The following CHD7 variants were observed in gnomAD, a reference collection of about 807,000 sequenced individuals.
CHD7 encodes chromodomain helicase DNA binding protein 7, also known as ATP-dependent chromatin remodeler CHD7.
CHD7 carries 24 observed loss-of-function variants against 307.3 expected under a neutral mutation model. The observed-to-expected ratio is 0.08, with a 90% CI of 0.06 to 0.11. The LOEUF (loss-of-function observed/expected upper bound fraction) is 0.11, where lower values mean the gene tolerates loss of function less well. Ranked by LOEUF, CHD7 falls within the 10% of genes least tolerant of loss-of-function variation. The probability of loss-of-function intolerance (pLI) is 1.00; values close to 1 mark genes in which losing one functional copy is unlikely to be tolerated. For missense variants in CHD7, 3,106 were observed against 3,727.1 expected, an observed-to-expected ratio of 0.83 and a Z score of 4.34; for synonymous variants, 1,363 against 1,349.9, an observed-to-expected ratio of 1.01 and a Z score of -0.21.
chr8:60,700,452 A>G (rs983815409), intron 1 of CHD7, among the ~76,000 whole-genome samples: 2 of 152,218 alleles, frequency 1.3e-5, no homozygotes, highest in Non-Finnish European at 2.9e-5. Context: ...TCCAAACTAG[A>G]AGATAAAGAC....
intron 2 of CHD7, among the ~76,000 whole-genome samples, chr8:60,748,800 T>A (rs1809461003): frequency 6.6e-6 from 1 of 152,134 alleles, no homozygotes; most frequent in Non-Finnish European, 1.5e-5. Flanking sequence ...TAAGTTTATT[T>A]TGGATACATT....
intron 4 of CHD7, 22 bp downstream of exon 4, chr8:60,795,149 C>T: frequency 6.2e-7 from 1 of 1,606,646 alleles, no homozygotes. Flanking sequence ...ATTGTGATTC[C>T]CGAGCCTTGG....
Position 60,824,011 on chromosome 8 carries a change from G to T in CHD7, c.3373G>T (p.Asp1125Tyr). The T allele has an allele frequency of 6.2e-7, 1 of 1,612,444 alleles. No homozygotes were observed. The highest frequency in any genetic ancestry group is 8.5e-7 in the Non-Finnish European group (1 of 1,178,706). Residue 1125 changes from aspartate (D) to tyrosine (Y), a missense_variant, in exon 13 of 38, where the codon GAC (aspartate) becomes TAC (tyrosine). Around this residue, in one of 10 missense-constraint regions of CHD7, gnomAD observed 232 missense variants for 422.5 expected, o/e 0.55. Coordinates refer to ENST00000423902, the MANE Select transcript of CHD7 (RefSeq NM_017780.4). Reference sequence around the variant, plus strand: ...GCTGTTGGAGGGACTCAAGATGATGGACTTGGTCAGTGACCATATTGGTGA... The same window carrying T: ...GCTGTTGGAGGGACTCAAGATGATGTACTTGGTCAGTGACCATATTGGTGA... ...CKLLEGLKMM[D>Y]LEHKVLLTGT...
rs553564194 is a variant in CHD7, at chr8:60,693,407, G to T, written c.-175+14325G>T. Among the ~76,000 whole-genome samples, 3 of 152,344 alleles carry T rather than the reference G, an allele frequency of 2.0e-5. No individual in the cohort carries two copies. In the South Asian group the frequency reaches 6.2e-4, roughly 32 times the overall value. ...CCGCTCAGCCTTCCTTGGGGCACCT[G>T]CAGAGAGAGGGTCCCCCCTCCAGCT... On this transcript the variant is annotated intron_variant, in intron 1 of 37. Transcript: ENST00000423902.
intron 2 of CHD7, among the ~76,000 whole-genome samples, chr8:60,744,136 G>A (rs1453386427): frequency 6.6e-6 from 1 of 152,204 alleles, no homozygotes; most frequent in Non-Finnish European, 1.5e-5. Flanking sequence ...GGTGAACCCA[G>A]GTCAGCAGTT....
intron 1 of CHD7, among the ~76,000 whole-genome samples, chr8:60,716,252 T>C (rs1563538864): frequency 6.6e-6 from 1 of 152,204 alleles, no homozygotes; most frequent in East Asian, 1.9e-4. Flanking sequence ...CTGCAGTCTT[T>C]CCAATGTTAG....
chr8:60,862,779 A>G, intron 37 of CHD7, 127 bp downstream of exon 37: 1 of 637,034 alleles, frequency 1.6e-6, no homozygotes, highest in Non-Finnish European at 2.8e-6. Flanking sequence ...GACATAATAC[A>G]TCATTTTCAT....
chr8:60,691,050 T>G (rs1806168542), intron 1 of CHD7, among the ~76,000 whole-genome samples: 1 of 152,108 alleles, frequency 6.6e-6, no homozygotes. Context: ...CTCAGCCTCC[T>G]GAGTAGCTGG....
At chr8:60,795,415 T>C (rs955326031) in intron 4 of CHD7, among the ~76,000 whole-genome samples, 2 of 152,236 alleles carry the variant, frequency 1.3e-5, no homozygotes, top group Non-Finnish European at 2.9e-5. Flanking sequence ...CTGTTTATGT[T>C]ATTAACATTG....
chr8:60,831,196 G>A (rs1804504431), intron 15 of CHD7, among the ~76,000 whole-genome samples: 4 of 152,104 alleles, frequency 2.6e-5, no homozygotes, highest in Admixed American at 2.0e-4. Flanking sequence ...TGCTTATGTT[G>A]TATAAGATAC....
chr8:60,744,218 A>G (rs1586254322), intron 2 of CHD7, among the ~76,000 whole-genome samples: 1 of 152,192 alleles, frequency 6.6e-6, no homozygotes, highest in East Asian at 1.9e-4. Context: ...GTTGGAAAGT[A>G]TCAGTCAGGG....
At chr8:60,765,204 TACACACAC>T (rs71245521) in intron 2 of CHD7, among the ~76,000 whole-genome samples, 115,894 of 150,050 alleles carry the variant, frequency 0.77, 44,940 homozygotes, top group East Asian at 0.93. Flanking sequence ...GGGATATGCA[TACACACAC>T]ACACACACAC....
Position 60,742,920 on chromosome 8 carries a change from ACCTGGCCAACAACAT to A in CHD7, c.1494_1508del (p.His501_Gln505del), listed in dbSNP as rs1297447780. 2.5e-6 allele frequency: 4 copies of A among 1,612,884 alleles called. No individual in the cohort carries two copies. The highest frequency in any genetic ancestry group is 3.4e-6 in the Non-Finnish European group (4 of 1,179,434). Reference sequence around the variant, plus strand: ...CACAAGCAATCCAGGAACGACTGATACCTGGCCAACAACATCCTGGTCAACAGCCATCTTTTCAGC... The same window carrying A: ...CACAAGCAATCCAGGAACGACTGATACCTGGTCAACAGCCATCTTTTCAGC... On this transcript the variant is annotated inframe_deletion, in exon 2 of 38. Transcript: ENST00000423902.
chr8:60,741,207 C>G, intron 1 of CHD7, 52 bp from the exon 2 acceptor site: 1 of 548,254 alleles, frequency 1.8e-6, no homozygotes, highest in Non-Finnish European at 3.2e-6. Context: ...ATCATTGGAT[C>G]CTAATTCTTT....
Position 60,854,422 on chromosome 8 carries a change from G to T in CHD7, c.6835G>T (p.Ala2279Ser). ...DEESNASMSTARDETRDGFYM... is the reference protein window; with the variant it reads ...DEESNASMSTSRDETRDGFYM... ...AGAAAGCAATGCTTCCATGAGCACT[G>T]CTAGAGATGAAACCCGAGATGGATT... is the stretch of plus-strand genomic sequence containing the variant. The change falls in exon 32 of 38, where the codon GCT (alanine) becomes TCT (serine). Residue 2279 changes from alanine (A) to serine (S), a missense_variant. Ala to Ser is a moderately conservative substitution (Grantham distance 99). This residue lies in a region of CHD7 where 1,030 missense variants were observed against 1,165.4 expected (regional missense o/e 0.88). Coordinates refer to ENST00000423902, the MANE Select transcript of CHD7 (RefSeq NM_017780.4). 1 of 1,613,728 alleles carries T rather than the reference G, an allele frequency of 6.2e-7. No individual in the cohort carries two copies.
intron 2 of CHD7, among the ~76,000 whole-genome samples, chr8:60,777,452 T>C (rs1023727914): frequency 7.2e-5 from 11 of 152,224 alleles, no homozygotes; most frequent in Non-Finnish European, 1.3e-4. Flanking sequence ...AAAATGCTGA[T>C]GAATTGTGGA....
chr8:60,794,044 C>T (rs898642573), intron 3 of CHD7, among the ~76,000 whole-genome samples: 1 of 152,066 alleles, frequency 6.6e-6, no homozygotes, highest in Non-Finnish European at 1.5e-5. Context: ...ATCGCTTGGA[C>T]CCGGGAGGCG....
At chr8:60,760,655 C>T (rs1350312279) in intron 2 of CHD7, among the ~76,000 whole-genome samples, 2 of 150,734 alleles carry the variant, frequency 1.3e-5, no homozygotes, top group Admixed American at 6.6e-5. Flanking sequence ...AAGAAAAAAA[C>T]AAACAACCCC....
intron 19 of CHD7, 73 bp from the exon 20 acceptor site, chr8:60,841,571 T>A (rs1804978164): frequency 8.5e-7 from 1 of 1,178,758 alleles, no homozygotes; most frequent in African/African-American, 1.5e-5. Flanking sequence ...AGCAAATACA[T>A]AAACAAAAGC....
Sources: gnomAD v4.1 joint callset for allele counts (sites outside exome capture counted in the v4.1 genomes callset) on GRCh38, gnomAD v4.1.1 for gene constraint, gnomAD v4.1.1 regional missense constraint, MANE v1.5 for transcripts, NCBI Gene and HGNC (gene_info 2026-07-23, HGNC 2026-07-21) for gene names.